Variants in EGFR observed in about 807,000 individuals in gnomAD.
EGFR encodes epidermal growth factor receptor, also known as avian erythroblastic leukemia viral (v-erb-b) oncogene homolog.
EGFR carries 58 observed loss-of-function variants against 143.0 expected under a neutral mutation model. The ratio of observed to expected loss-of-function variants is 0.41; its 90% CI spans 0.33 to 0.50. EGFR has a LOEUF of 0.50. Ranked by LOEUF, EGFR falls within the 20% of genes least tolerant of loss-of-function variation. The pLI is 0.39. For synonymous variants in EGFR, 613 were observed against 594.4 expected (o/e 1.03, Z -0.45); for missense variants, 1,307 against 1,579.0 (o/e 0.83, Z 2.92).
chr7:55,161,225 G>T (rs561838003), intron 12 of EGFR, among the ~76,000 whole-genome samples: 1 of 152,332 alleles, frequency 6.6e-6, no homozygotes, highest in Non-Finnish European at 1.5e-5. Context: ...CCTCTCGGGT[G>T]CCAGGGTGCC....
chr7:55,047,587 T>TA (rs2128872361), intron 1 of EGFR, among the ~76,000 whole-genome samples: 1 of 152,208 alleles, frequency 6.6e-6, no homozygotes, highest in East Asian at 1.9e-4. Context: ...CCATGCCTAC[T>TA]AAAAATGCAA....
intron 18 of EGFR, among the ~76,000 whole-genome samples, chr7:55,174,393 G>A (rs535035738): frequency 1.3e-5 from 2 of 152,368 alleles, no homozygotes; most frequent in East Asian, 1.9e-4. Flanking sequence ...GCTTCTTCTA[G>A]ATCCTCTTTG....
intron 19 of EGFR, among the ~76,000 whole-genome samples, chr7:55,179,286 A>G (rs1461973374): frequency 2.0e-5 from 3 of 152,340 alleles, no homozygotes; most frequent in South Asian, 4.1e-4. Context: ...TTCATATGGA[A>G]GGCTAGGCCT....
At chr7:55,190,656 T>G (rs553695193) in intron 20 of EGFR, among the ~76,000 whole-genome samples, 59 of 152,326 alleles carry the variant, frequency 3.9e-4, no homozygotes, top group African/African-American at 1.3e-3. Context: ...TTCTGTTTGC[T>G]GCACCGCAGC....
At chr7:55,041,530 C>A (rs1345218667) in intron 1 of EGFR, among the ~76,000 whole-genome samples, 1 of 152,208 alleles carries the variant, frequency 6.6e-6, no homozygotes, top group Non-Finnish European at 1.5e-5. Flanking sequence ...ACATTGACTG[C>A]ATGCCACAAA....
intron 1 of EGFR, among the ~76,000 whole-genome samples, chr7:55,034,233 G>GTTTGT (rs996168032): frequency 2.0e-5 from 3 of 152,112 alleles, no homozygotes; most frequent in Non-Finnish European, 2.9e-5. Flanking sequence ...TGTTTTGTTT[G>GTTTGT]TTTGTTTTGT....
intron 1 of EGFR, among the ~76,000 whole-genome samples, chr7:55,038,586 G>A (rs1787729588): frequency 6.6e-6 from 1 of 152,182 alleles, no homozygotes; most frequent in Admixed American, 6.5e-5. Context: ...TTCTCAAACT[G>A]GGAGTGACAA....
Position 55,141,650 on chromosome 7 carries a change from T to C in EGFR, c.89-636T>C, listed in dbSNP as rs149869034. Among the ~76,000 whole-genome samples the C allele has an allele frequency of 2.7e-3, 412 of 152,352 alleles. 1 individual carries two copies. The highest frequency in any genetic ancestry group is 9.6e-3 in the African/African-American group (400 of 41,584). ...TTCTTTGATGCATTCATTTGAATAA[T>C]ATTTTTAATCTCCAGCCAGTTAGGT... On this transcript the variant is annotated intron_variant, in intron 1 of 27. Coordinates refer to ENST00000275493, the MANE Select transcript of EGFR (RefSeq NM_005228.5).
chr7:55,135,138 G>A (rs1251050051), intron 1 of EGFR, among the ~76,000 whole-genome samples: 6 of 152,182 alleles, frequency 3.9e-5, no homozygotes, highest in Non-Finnish European at 8.8e-5. Context: ...ACTCTACTTA[G>A]TGTATATTTT....
At chr7:55,027,303 C>T (rs569968304) in intron 1 of EGFR, among the ~76,000 whole-genome samples, 2 of 152,288 alleles carry the variant, frequency 1.3e-5, no homozygotes, top group Admixed American at 6.5e-5. Context: ...GGGAGTTTCT[C>T]AGAAACAGAA....
intron 1 of EGFR, among the ~76,000 whole-genome samples, chr7:55,053,709 G>C (rs960870395): frequency 6.6e-5 from 10 of 152,218 alleles, no homozygotes; most frequent in Non-Finnish European, 1.5e-4. Context: ...AGCCCTTGCC[G>C]GGCCAGGCCC....
chr7:55,205,374 C>A lies in EGFR; in HGVS notation c.3390C>A (p.Ser1130Arg), dbSNP rs1358829599. Residue 1130 changes from serine to arginine, a missense_variant, in exon 28 of 28, where the codon AGC becomes AGA. Coordinates refer to ENST00000275493, the MANE Select transcript of EGFR (RefSeq NM_005228.5). ...ACCCACACTACCAGGACCCCCACAG[C>A]ACTGCAGTGGGCAACCCCGAGTATC... ...SRDPHYQDPH[S>R]TAVGNPEYLN... 1 of 1,614,094 alleles carries A rather than the reference C, an allele frequency of 6.2e-7. No homozygotes were observed. The highest frequency in any genetic ancestry group is 2.2e-5 in the East Asian group (1 of 44,886).
At chr7:55,129,698 G>C (rs568514668) in intron 1 of EGFR, among the ~76,000 whole-genome samples, 1 of 152,134 alleles carries the variant, frequency 6.6e-6, no homozygotes, top group African/African-American at 2.4e-5. Context: ...TTCCCTCTCC[G>C]GTTTCAGGAC....
At chr7:55,173,807 GCACCCAA>G in intron 17 of EGFR, 107 bp from the exon 18 acceptor site, 1 of 1,555,778 alleles carries the variant, frequency 6.4e-7, no homozygotes, top group Non-Finnish European at 8.9e-7. Context: ...CCGTGTCCTG[GCACCCAA>G]GCCCATGCCG....
At chr7:55,203,530 T>C in intron 27 of EGFR, among the ~76,000 whole-genome samples, 2 of 129,776 alleles carry the variant, frequency 1.5e-5, no homozygotes, top group African/African-American at 3.0e-5. Flanking sequence ...CATACACACG[T>C]ACACATACAC....
chr7:55,109,681 T>A (rs1584060313), intron 1 of EGFR: 3 of 965,118 alleles, frequency 3.1e-6, no homozygotes, highest in Non-Finnish European at 3.7e-6. Flanking sequence ...GGATATCCTC[T>A]CCTGGTTTAG....
At chr7:55,174,434 G>A (rs577328959) in intron 18 of EGFR, among the ~76,000 whole-genome samples, 27 of 152,336 alleles carry the variant, frequency 1.8e-4, no homozygotes, top group Middle Eastern at 3.4e-3. Flanking sequence ...AGGCCTAGAC[G>A]CAGCATCATT....
At chr7:55,109,200 T>C (rs901575433) in intron 1 of EGFR, among the ~76,000 whole-genome samples, 1 of 152,230 alleles carries the variant, frequency 6.6e-6, no homozygotes, top group Non-Finnish European at 1.5e-5. Flanking sequence ...GATTAAATTA[T>C]GTGATCTGCA....
At chr7:55,181,988 C>T (rs1786900785) in intron 20 of EGFR, 1 of 213,874 alleles carries the variant, frequency 4.7e-6, no homozygotes. Flanking sequence ...CTAAGTGTCC[C>T]CCTTTCCACA....
Sources: gnomAD v4.1 joint callset for allele counts (sites outside exome capture counted in the v4.1 genomes callset) on GRCh38, gnomAD v4.1.1 for gene constraint, MANE v1.5 for transcripts, NCBI Gene and HGNC (gene_info 2026-07-23, HGNC 2026-07-21) for gene names.